Variants in NOP10 observed in about 807,000 individuals in gnomAD.
NOP10 encodes NOP10 ribonucleoprotein.
In NOP10, 6 loss-of-function variants were observed where a neutral mutation model predicts 9.5. The observed-to-expected ratio is 0.63, with a 90% confidence interval of 0.35 to 1.25. The LOEUF (loss-of-function observed/expected upper bound fraction) is 1.25, where lower values mean the gene tolerates loss of function less well. Ranked by LOEUF, NOP10 falls within the 50% of genes most tolerant of loss-of-function variation. NOP10 has a pLI of 0.03. For missense variants in NOP10, 75 were observed against 81.3 expected (o/e 0.92, Z 0.30); for synonymous variants, 28 against 30.7 (o/e 0.91, Z 0.29).
In NOP10 at chr15:34,342,735, C is replaced by T. The variant is rs181795473; in HGVS notation, c.54+285G>A. Among the ~76,000 whole-genome samples the T allele has an allele frequency of 2.2e-4, 33 of 152,176 alleles. No homozygotes were observed. The East Asian group carries it at 5.6e-3, about 26-fold the overall frequency. ...CTAATTTTTTGTATTTTAGTAGAAA[C>T]GGAGTTTCACAGTGTTGCCCAGAAT... On this transcript the variant is annotated intron_variant, in intron 1 of 1. Transcript: ENST00000328848.
Position 34,342,317 on chromosome 15 carries a change from G to GGCTTGAGGTCAGAA in NOP10, c.55-210_55-209insTTCTGACCTCAAGC, listed in dbSNP as rs71909554. 0.16 allele frequency among the ~76,000 whole-genome samples: 24,506 copies of GGCTTGAGGTCAGAA among 151,912 alleles called. 2,063 individuals carry two copies. Among genetic ancestry groups the GGCTTGAGGTCAGAA allele is most frequent in the East Asian group, 0.33 (1,682 of 5,110 alleles). ...CTTTGGGAGGTCGAGGCGGGAGGAT[G>GGCTTGAGGTCAGAA]GTTTGAGACCAGCCTGGGCAATATG... On this transcript the variant is annotated intron_variant, in intron 1 of 1. Coordinates refer to ENST00000328848, the MANE Select transcript of NOP10 (RefSeq NM_018648.4).
rs1181425101 is a variant in NOP10, at chr15:34,341,751, T to C, written c.*217A>G. 13 of 585,538 alleles carry C rather than the reference T, an allele frequency of 2.2e-5. No individual in the cohort carries two copies. Among genetic ancestry groups the C allele is most frequent in the Non-Finnish European group, 3.4e-5 (11 of 325,210 alleles). The allele number at this position is 585,538 out of a possible 1,614,324, so 36.3% of individuals were successfully genotyped here. On this transcript the variant is annotated 3_prime_UTR_variant, in exon 2 of 2. Transcript: ENST00000328848. ...AATCATTTTATCTTTAATAATCTTG[T>C]AGTAATTTAAAATATGAGAAAAAAA...
intron 1 of NOP10, among the ~76,000 whole-genome samples, chr15:34,342,767 G>C (rs1354941919): frequency 2.6e-5 from 4 of 151,924 alleles, no homozygotes; most frequent in African/African-American, 9.7e-5. Context: ...GAATGGTCGC[G>C]AACTCCTGAG....
intron 1 of NOP10, 85 bp downstream of exon 1, chr15:34,342,935 C>G: frequency 1.6e-6 from 2 of 1,261,404 alleles, no homozygotes; most frequent in Admixed American, 1.7e-5. Context: ...CCGCACCCAG[C>G]TAGGTAACTC....
rs1285276037 is a variant in NOP10, at chr15:34,343,109, C to T, written c.-36G>A. 6.2e-7 allele frequency: 1 copy of T among 1,609,188 alleles called. No individual in the cohort carries two copies. Among genetic ancestry groups the T allele is most frequent in the Non-Finnish European group, 8.5e-7 (1 of 1,175,452 alleles). On this transcript the variant is annotated 5_prime_UTR_variant, in exon 1 of 2. In the 5' UTR this introduces an upstream ATG that the reference lacks. Transcript: ENST00000328848. ...AAGCCAGCGGTCCCAATTCGGTCCA[C>T]CGCTCAGTCTGCAGTGGTCCGCCCG...
intron 1 of NOP10, 76 bp downstream of exon 1, chr15:34,342,944 T>G: frequency 1.5e-6 from 2 of 1,368,470 alleles, no homozygotes; most frequent in South Asian, 2.3e-5. Flanking sequence ...GCTAGGTAAC[T>G]CCACGTATGA....
chr15:34,343,078 G>C lies in NOP10; in HGVS notation c.-5C>G. 1 of 1,614,088 alleles carries C rather than the reference G, an allele frequency of 6.2e-7. No homozygotes were observed. The highest frequency in any genetic ancestry group is 8.5e-7 in the Non-Finnish European group (1 of 1,179,986). ...GAGGTAATACTGGAGAAACATGATC[G>C]CTTATAAGCCAGCGGTCCCAATTCG... On this transcript the variant is annotated 5_prime_UTR_variant, in exon 1 of 2. Coordinates refer to ENST00000328848, the MANE Select transcript of NOP10 (RefSeq NM_018648.4).
Position 34,341,921 on chromosome 15 carries a change from C to T in NOP10, c.*47G>A, listed in dbSNP as rs1186374525. 1.2e-6 allele frequency: 2 copies of T among 1,605,934 alleles called. No individual in the cohort carries two copies. Among genetic ancestry groups the T allele is most frequent in the Non-Finnish European group, 1.7e-6 (2 of 1,174,628 alleles). On this transcript the variant is annotated 3_prime_UTR_variant, in exon 2 of 2. Transcript: ENST00000328848. Reference sequence around the variant, plus strand: ...AGTCCGAAGAGTTTGGTTACGGAGTCTCCGAGGGGTAACAGGTGGCAGAAA... The same window carrying T: ...AGTCCGAAGAGTTTGGTTACGGAGTTTCCGAGGGGTAACAGGTGGCAGAAA...
Position 34,343,136 on chromosome 15 carries a change from C to T in NOP10, c.-63G>A. 6.7e-7 allele frequency: 1 copy of T among 1,488,586 alleles called. No individual in the cohort carries two copies. The highest frequency in any genetic ancestry group is 2.3e-5 in the East Asian group (1 of 44,316). The allele number at this position is 1,488,586 out of a possible 1,614,324, so 92.2% of individuals were successfully genotyped here. Reference sequence around the variant, plus strand: ...GCTCAGTCTGCAGTGGTCCGCCCGACCGCGTCACGTGTTCGTCAATTTCCT... The same window carrying T: ...GCTCAGTCTGCAGTGGTCCGCCCGATCGCGTCACGTGTTCGTCAATTTCCT... On this transcript the variant is annotated 5_prime_UTR_variant, in exon 1 of 2. Transcript: ENST00000328848.
In NOP10 at chr15:34,342,994, A is replaced by G. The variant is rs771140244; in HGVS notation, c.54+26T>C. 18 of 1,607,718 alleles carry G rather than the reference A, an allele frequency of 1.1e-5. No homozygotes were observed. The South Asian group carries it at 1.8e-4, about 16-fold the overall frequency. On this transcript the variant is annotated intron_variant, in intron 1 of 1. Coordinates refer to ENST00000328848, the MANE Select transcript of NOP10 (RefSeq NM_018648.4). ...CCCATCTACATTTCTCGCCATGCCT[A>G]TTTACACCCTGTTTTCTCTCCTCAC...
Position 34,343,127 on chromosome 15 carries a change from T to C in NOP10, c.-54A>G. The C allele has an allele frequency of 3.2e-6, 5 of 1,543,216 alleles. No individual in the cohort carries two copies. The Admixed American group carries it at 8.3e-5, about 26-fold the overall frequency. Reference sequence around the variant, plus strand: ...CGGTCCACCGCTCAGTCTGCAGTGGTCCGCCCGACCGCGTCACGTGTTCGT... The same window carrying C: ...CGGTCCACCGCTCAGTCTGCAGTGGCCCGCCCGACCGCGTCACGTGTTCGT... On this transcript the variant is annotated 5_prime_UTR_variant, in exon 1 of 2. Transcript: ENST00000328848.
chr15:34,341,858 C>T lies in NOP10; in HGVS notation c.*110G>A. 8.9e-7 allele frequency: 1 copy of T among 1,120,200 alleles called. No homozygotes were observed. Among genetic ancestry groups the T allele is most frequent in the South Asian group, 1.3e-5 (1 of 75,998 alleles). The allele number at this position is 1,120,200 out of a possible 1,614,324, so 69.4% of individuals were successfully genotyped here. Reference sequence around the variant, plus strand: ...ATCAATCGCCACGAGAGACTGGATGCCAAAGAGTATGGCTGGCAAAAAGGC... The same window carrying T: ...ATCAATCGCCACGAGAGACTGGATGTCAAAGAGTATGGCTGGCAAAAAGGC... On this transcript the variant is annotated 3_prime_UTR_variant, in exon 2 of 2. Coordinates refer to ENST00000328848, the MANE Select transcript of NOP10 (RefSeq NM_018648.4).
rs924767350 is a variant in NOP10, at chr15:34,341,769, GA to G, written c.*198del. The G allele has an allele frequency of 4.4e-5, 27 of 618,458 alleles. No homozygotes were observed. The highest frequency in any genetic ancestry group is 5.4e-5 in the Admixed American group (2 of 36,894). 38.3% of individuals were successfully genotyped at this position (618,458 alleles called of 1,614,324 possible). A position where few individuals can be genotyped will look rare whatever the true frequency, so the allele number is the denominator to read the frequency against. On this transcript the variant is annotated 3_prime_UTR_variant, in exon 2 of 2. Transcript: ENST00000328848. ...AATCTTGTAGTAATTTAAAATATGA[GA>G]AAAAAAAGTCAAATGTGTTCCCTTT...
Position 34,341,959 on chromosome 15 carries a change from A to C in NOP10, c.*9T>G. 1 of 1,613,548 alleles carries C rather than the reference A, an allele frequency of 6.2e-7. No homozygotes were observed. Among genetic ancestry groups the C allele is most frequent in the Non-Finnish European group, 8.5e-7 (1 of 1,179,932 alleles). ...CAGGTGGCAGAAAAGACATCAGTTT[A>C]AGGGACCCTCAGAGGACAGGGCGCG... On this transcript the variant is annotated 3_prime_UTR_variant, in exon 2 of 2. Transcript: ENST00000328848.
rs963455153 is a variant in NOP10 at position 34,342,212 on chromosome 15, T to C, written c.55-104A>G. 2.9e-6 allele frequency: 3 copies of C among 1,019,312 alleles called. No individual in the cohort carries two copies. In the East Asian group the frequency reaches 7.2e-5, roughly 25 times the overall value. The allele number at this position is 1,019,312 out of a possible 1,614,324, so 63.1% of individuals were successfully genotyped here. A position where few individuals can be genotyped will look rare whatever the true frequency, so the allele number is the denominator to read the frequency against. ...GAAAATAGAAGATGCAATGGTCAACTCAAAAAGTTGTACAAATAAATAGAG... is the reference window on the plus strand; with the variant it reads ...GAAAATAGAAGATGCAATGGTCAACCCAAAAAGTTGTACAAATAAATAGAG... On this transcript the variant is annotated intron_variant, in intron 1 of 1. Transcript: ENST00000328848.
intron 1 of NOP10, among the ~76,000 whole-genome samples, chr15:34,342,667 C>A (rs965341242): frequency 6.6e-6 from 1 of 152,116 alleles, no homozygotes; most frequent in Admixed American, 6.5e-5. Flanking sequence ...CTGTCTCAGC[C>A]TCCCGAGTAG....
At chr15:34,342,744 A>C (rs1425817306) in intron 1 of NOP10, among the ~76,000 whole-genome samples, 1 of 152,006 alleles carries the variant, frequency 6.6e-6, no homozygotes, top group Non-Finnish European at 1.5e-5. Context: ...ACGGAGTTTC[A>C]CAGTGTTGCC....
intron 1 of NOP10, 123 bp downstream of exon 1, chr15:34,342,897 C>T (rs916673130): frequency 5.2e-6 from 5 of 956,290 alleles, no homozygotes; most frequent in Non-Finnish European, 8.6e-6. Flanking sequence ...CGGTTCTTCC[C>T]CACCTCGGTT....
At position 34,341,990 on chromosome 15, in the gene NOP10, T is replaced by C; in HGVS notation, c.173A>G (p.Gln58Arg). ...CCCTCAGAGGACAGGGCGCGGTTGC[T>C]GGGTCATGAGCACCTTGAAGCGTTT... ...IKKRFKVLMTQQPRPVL is the reference protein window; with the variant it reads ...IKKRFKVLMTRQPRPVL Residue 58 changes from glutamine to arginine, a missense_variant, in exon 2 of 2, where the codon CAG (glutamine) becomes CGG (arginine). By Grantham distance (43) the Gln-to-Arg change is conservative (BLOSUM62 1). Coordinates refer to ENST00000328848, the MANE Select transcript of NOP10 (RefSeq NM_018648.4). 6.2e-7 allele frequency: 1 copy of C among 1,614,134 alleles called. No homozygotes were observed. The highest frequency in any genetic ancestry group is 8.5e-7 in the Non-Finnish European group (1 of 1,180,030).
Sources: gnomAD v4.1 joint callset for allele counts (sites outside exome capture counted in the v4.1 genomes callset) on GRCh38, gnomAD v4.1.1 for gene constraint, MANE v1.5 for transcripts, NCBI Gene and HGNC (gene_info 2026-07-23, HGNC 2026-07-21) for gene names.